GMPS: variants seen among roughly 807,000 people sequenced by gnomAD.
GMPS encodes the protein GMP synthase [glutamine-hydrolyzing].
In GMPS, 15 loss-of-function variants were observed where a neutral mutation model predicts 77.9. The observed-to-expected ratio is 0.19, with a 90% CI of 0.13 to 0.30. GMPS has a LOEUF of 0.30. Among genes scored for constraint, GMPS ranks in the 10% least tolerant of loss-of-function variants. The probability of loss-of-function intolerance (pLI) is 1.00; values close to 1 mark genes in which losing one functional copy is unlikely to be tolerated. For missense variants in GMPS, 590 were observed against 838.8 expected (o/e 0.70, Z 3.66); for synonymous variants, 224 against 275.9 (o/e 0.81, Z 1.86).
At chr3:155,897,269 T>C (rs1754626237) in intron 2 of GMPS, among the ~76,000 whole-genome samples, 1 of 152,200 alleles carries the variant, frequency 6.6e-6, no homozygotes, top group South Asian at 2.1e-4. Flanking sequence ...TTTTCCCTTA[T>C]TATAGTAGTT....
rs547527732 is a variant in GMPS at position 155,918,443 on chromosome 3, C to T, written c.1213-790C>T. 4.6e-5 allele frequency among the ~76,000 whole-genome samples: 7 copies of T among 152,290 alleles called. No individual in the cohort carries two copies. The South Asian group carries it at 1.5e-3, about 32-fold the overall frequency. ...CTCCCGCCTGAGCGACAGAGCGAGA[C>T]TCTGTCTTAAAAAAAAGTAAATAAA... On this transcript the variant is annotated intron_variant, in intron 9 of 15. Coordinates refer to ENST00000496455, the MANE Select transcript of GMPS (RefSeq NM_003875.3).
intron 1 of GMPS, among the ~76,000 whole-genome samples, chr3:155,877,416 A>G (rs1439399875): frequency 6.6e-6 from 1 of 152,136 alleles, no homozygotes; most frequent in Non-Finnish European, 1.5e-5. Flanking sequence ...TAAAGTATCC[A>G]ACCCCATAGT....
At chr3:155,899,274 A>C (rs946546351) in intron 3 of GMPS, among the ~76,000 whole-genome samples, 2 of 152,144 alleles carry the variant, frequency 1.3e-5, no homozygotes, top group African/African-American at 4.8e-5. Flanking sequence ...AGGCTGAGGC[A>C]GGAGAATCAC....
intron 12 of GMPS, among the ~76,000 whole-genome samples, chr3:155,931,361 T>G (rs1265967362): frequency 2.0e-5 from 3 of 151,698 alleles, no homozygotes; most frequent in African/African-American, 7.3e-5. Flanking sequence ...AATTTTTGTA[T>G]TTTTAGTAGA....
rs1453400799 is a variant in GMPS, at chr3:155,943,048, T to G, written c.*5356T>G. On this transcript the variant is annotated 3_prime_UTR_variant, in exon 16 of 16. Transcript: ENST00000496455. ...GAGTTTGAGACCAGCGTGGCCAACA[T>G]GGTGAAACCCCATTTCTACTAAAAA... The G allele has an allele frequency of 1.1e-5, 2 of 176,714 alleles. No homozygotes were observed. Among genetic ancestry groups the G allele is most frequent in the Non-Finnish European group, 2.4e-5 (2 of 82,254 alleles). The allele number at this position is 176,714 out of a possible 1,614,324, so 10.9% of individuals were successfully genotyped here. A position where few individuals can be genotyped will look rare whatever the true frequency, so the allele number is the denominator to read the frequency against.
At chr3:155,884,616 G>A (rs1354254495) in intron 1 of GMPS, among the ~76,000 whole-genome samples, 1 of 152,046 alleles carries the variant, frequency 6.6e-6, no homozygotes, top group Non-Finnish European at 1.5e-5. Flanking sequence ...TAGAAATTGT[G>A]GCCCTGGACC....
rs1560057282 is a variant in GMPS at position 155,940,177 on chromosome 3, AC to A, written c.*2486del. The A allele has an allele frequency of 1.5e-5, 3 of 199,550 alleles. No homozygotes were observed. Among genetic ancestry groups the A allele is most frequent in the African/African-American group, 6.9e-5 (3 of 43,506 alleles). The allele number at this position is 199,550 out of a possible 1,614,324, so 12.4% of individuals were successfully genotyped here. Reference sequence around the variant, plus strand: ...GATTAAATATATTCTTTTTCTTTGTACTTTTTAGGTAGACAGAGAATGTAGA... The same window carrying A: ...GATTAAATATATTCTTTTTCTTTGTATTTTTAGGTAGACAGAGAATGTAGA... On this transcript the variant is annotated 3_prime_UTR_variant, in exon 16 of 16. Transcript: ENST00000496455.
intron 1 of GMPS, among the ~76,000 whole-genome samples, chr3:155,879,265 CTTTTTTTTTTT>C (rs370727242): frequency 3.3e-5 from 4 of 122,654 alleles, no homozygotes; most frequent in Non-Finnish European, 1.7e-5. Context: ...CTGCACTTGT[CTTTTTTTTTTT>C]TTTTTTTTTT....
At chr3:155,896,443 A>C (rs1164916768) in intron 2 of GMPS, among the ~76,000 whole-genome samples, 1 of 152,214 alleles carries the variant, frequency 6.6e-6, no homozygotes, top group Non-Finnish European at 1.5e-5. Context: ...TTTGCAGGAC[A>C]CACACTAACA....
At position 155,870,909 on chromosome 3, in the gene GMPS, G is replaced by A; in HGVS notation, c.27+12G>A. ...ACGGAGACTCCAAGGTCAGCGTGGG[G>A]GTCCCTGCAGCACCGCATCCCGGCG... On this transcript the variant is annotated intron_variant, in intron 1 of 15. Coordinates refer to ENST00000496455, the MANE Select transcript of GMPS (RefSeq NM_003875.3). 1 of 1,498,474 alleles carries A rather than the reference G, an allele frequency of 6.7e-7. No homozygotes were observed. The highest frequency in any genetic ancestry group is 2.2e-5 in the Admixed American group (1 of 45,328). The allele number at this position is 1,498,474 out of a possible 1,614,324, so 92.8% of individuals were successfully genotyped here. A position where few individuals can be genotyped will look rare whatever the true frequency, so the allele number is the denominator to read the frequency against.
At chr3:155,884,922 T>G (rs1304066445) in intron 1 of GMPS, among the ~76,000 whole-genome samples, 3 of 152,192 alleles carry the variant, frequency 2.0e-5, no homozygotes. Flanking sequence ...CACATGAACT[T>G]GAAAGGAGCT....
chr3:155,878,537 A>G (rs1754116827), intron 1 of GMPS, among the ~76,000 whole-genome samples: 1 of 152,232 alleles, frequency 6.6e-6, no homozygotes, highest in African/African-American at 2.4e-5. Flanking sequence ...TTTCTGGGTC[A>G]TAGAGTGACT....
chr3:155,917,466 AT>A (rs1755211498), intron 9 of GMPS, among the ~76,000 whole-genome samples: 1 of 152,198 alleles, frequency 6.6e-6, no homozygotes, highest in South Asian at 2.1e-4. Flanking sequence ...ACTACTTTAA[AT>A]ACCTCATATA....
At chr3:155,870,375 C>G (rs1045878381), upstream of GMPS, among the ~76,000 whole-genome samples, 12 of 43,082 alleles carry the variant, frequency 2.8e-4, no homozygotes, top group African/African-American at 1.9e-3. Context: ...GCGCCACAGG[C>G]CCCTCCTCCG....
chr3:155,920,467 C>T (rs1315597587), intron 10 of GMPS, among the ~76,000 whole-genome samples: 2 of 150,478 alleles, frequency 1.3e-5, no homozygotes, highest in South Asian at 4.2e-4. Flanking sequence ...TCTAGCTACT[C>T]GGGAGGCTGA....
chr3:155,927,942 T>A, intron 12 of GMPS, among the ~76,000 whole-genome samples: 1 of 152,110 alleles, frequency 6.6e-6, no homozygotes, highest in Non-Finnish European at 1.5e-5. Flanking sequence ...AACTGTTCTG[T>A]TTTTTATTAT....
intron 1 of GMPS, among the ~76,000 whole-genome samples, chr3:155,885,662 G>A (rs1440220027): frequency 6.6e-6 from 1 of 152,094 alleles, no homozygotes; most frequent in East Asian, 1.9e-4. Flanking sequence ...TTTGGATTTT[G>A]GAGTATTTGT....
chr3:155,940,089 A>T lies in GMPS; in HGVS notation c.*2397A>T, dbSNP rs1297842576. On this transcript the variant is annotated 3_prime_UTR_variant, in exon 16 of 16. Coordinates refer to ENST00000496455, the MANE Select transcript of GMPS (RefSeq NM_003875.3). ...TGGCTAATAACATTCATCATTGGTTATTCTGGGCATATCATGACTTTATTC... is the reference window on the plus strand; with the variant it reads ...TGGCTAATAACATTCATCATTGGTTTTTCTGGGCATATCATGACTTTATTC... The T allele has an allele frequency of 1.4e-5, 3 of 208,370 alleles. No individual in the cohort carries two copies. Among genetic ancestry groups the T allele is most frequent in the Non-Finnish European group, 2.9e-5 (3 of 102,368 alleles). The allele number at this position is 208,370 out of a possible 1,614,324, so 12.9% of individuals were successfully genotyped here. A position where few individuals can be genotyped will look rare whatever the true frequency, so the allele number is the denominator to read the frequency against.
intron 9 of GMPS, among the ~76,000 whole-genome samples, chr3:155,917,941 A>G (rs1755227384): frequency 6.6e-6 from 1 of 152,162 alleles, no homozygotes; most frequent in Non-Finnish European, 1.5e-5. Context: ...CATTTTGCCT[A>G]TCCATTTTTG....
Sources: allele counts gnomAD v4.1 joint callset (sites outside exome capture counted in the v4.1 genomes callset), GRCh38; gene constraint gnomAD v4.1.1; transcripts MANE v1.5; gene names NCBI Gene and HGNC (gene_info 2026-07-23, HGNC 2026-07-21).